MYO15A: variants seen among roughly 807,000 people sequenced by gnomAD.
MYO15A encodes unconventional myosin-XV.
MYO15A carries 308 observed loss-of-function variants against 394.6 expected under a neutral mutation model. That is an observed-to-expected ratio of 0.78 (90% CI 0.71 to 0.86). MYO15A has a LOEUF of 0.86. Ranked by LOEUF, MYO15A falls within the 40% of genes least tolerant of loss-of-function variation. The pLI is 0.00. For missense variants in MYO15A, 4,606 were observed against 4,799.1 expected, an observed-to-expected ratio of 0.96 and a Z score of 1.19; for synonymous variants, 1,957 against 2,003.8, an observed-to-expected ratio of 0.98 and a Z score of 0.62.
intron 62 of MYO15A, chr17:18,169,617 A>G (rs2046910560): frequency 6.6e-6 from 1 of 152,174 alleles, no homozygotes; most frequent in African/African-American, 2.4e-5. Flanking sequence ...AGCCTGGGCA[A>G]TAGAGTAAGA....
chr17:18,157,322 C>T (rs748754037), intron 50 of MYO15A, 92 bp downstream of exon 50: 45 of 1,514,994 alleles, frequency 3.0e-5, no homozygotes, highest in South Asian at 4.8e-5. Context: ...TCTTGGTGCC[C>T]GAAAGTGGCC....
intron 1 of MYO15A, 30 bp from the exon 2 acceptor site, chr17:18,118,552 A>G (rs1567617091): frequency 5.3e-6 from 3 of 567,078 alleles, no homozygotes; most frequent in Non-Finnish European, 3.1e-6. Flanking sequence ...CTGGTAAACA[A>G]CACCCACACA....
intron 47 of MYO15A, 164 bp from the exon 48 acceptor site, chr17:18,156,031 T>G (rs1201066205): frequency 1.9e-5 from 20 of 1,046,522 alleles, no homozygotes; most frequent in Non-Finnish European, 2.1e-5. Context: ...ACAGCCTGGG[T>G]CAGAGAGGGG....
At position 18,148,652 on chromosome 17, in the gene MYO15A, T is replaced by TG; in HGVS notation, c.6764+84_6764+85insG. 1 of 1,544,944 alleles carries TG rather than the reference T, an allele frequency of 6.5e-7. No individual in the cohort carries two copies. Among genetic ancestry groups the TG allele is most frequent in the Non-Finnish European group, 8.8e-7 (1 of 1,142,094 alleles). ...AGGTCAGATCCCCCAGAGGGTCCCA[T>TG]AGGGTCCATTCTGTTCATGTTTAGG... On this transcript the variant is annotated intron_variant, in intron 32 of 65. Coordinates refer to ENST00000647165, the MANE Select transcript of MYO15A (RefSeq NM_016239.4). The surrounding 1 kb of genome is among the most constrained non-coding windows in gnomAD (Gnocchi z 4.8).
At chr17:18,163,909 C>A in intron 60 of MYO15A, 71 bp downstream of exon 60, 1 of 1,510,382 alleles carries the variant, frequency 6.6e-7, no homozygotes, top group Non-Finnish European at 9.1e-7. Context: ...TGGGGCCCTC[C>A]ACCCAGATTT....
intron 45 of MYO15A, 45 bp downstream of exon 45, chr17:18,154,800 A>G: frequency 6.3e-7 from 1 of 1,590,664 alleles, no homozygotes. Flanking sequence ...AACCAGTCAG[A>G]GGCACAGCCA....
chr17:18,138,094 C>T (rs1294135699), intron 16 of MYO15A, 21 bp from the exon 17 acceptor site: 2 of 1,606,666 alleles, frequency 1.2e-6, no homozygotes, highest in Non-Finnish European at 1.7e-6. Flanking sequence ...AGGTTGAGCT[C>T]CTGCTGCCCA....
At chr17:18,130,251 C>A (rs112198349) in intron 7 of MYO15A, among the ~76,000 whole-genome samples, 10 of 151,856 alleles carry the variant, frequency 6.6e-5, no homozygotes, top group African/African-American at 2.4e-4. Context: ...TGTGTAGACG[C>A]TGGGGACTCA....
At chr17:18,131,393 G>A (rs777562993) in intron 9 of MYO15A, 51 bp downstream of exon 9, 11 of 1,612,582 alleles carry the variant, frequency 6.8e-6, no homozygotes, top group Non-Finnish European at 9.3e-6. Flanking sequence ...TGTCTTCCAT[G>A]TCCTGCCACA....
Position 18,119,296 on chromosome 17 carries a change from C to A in MYO15A, c.496C>A (p.Arg166Ser), listed in dbSNP as rs766948273. 2 of 1,611,376 alleles carry A rather than the reference C, an allele frequency of 1.2e-6. No individual in the cohort carries two copies. The highest frequency in any genetic ancestry group is 2.2e-5 in the South Asian group (2 of 91,066). Residue 166 changes from arginine (R) to serine (S), a missense_variant, in exon 2 of 66, where the codon CGC becomes AGC. Physicochemically the swap from Arg to Ser is moderately radical, Grantham distance 110. Transcript: ENST00000647165. ...CGCCTGGCTGCAGCGCTCGAGCTCC[C>A]GCATGGGCTCCCGCAAACTCCCCTT... is the stretch of plus-strand genomic sequence containing the variant. ...VDAWLQRSSS[R>S]MGSRKLPFPS...
chr17:18,158,399 G>T, intron 51 of MYO15A, 124 bp from the exon 52 acceptor site: 1 of 772,050 alleles, frequency 1.3e-6, no homozygotes, highest in Non-Finnish European at 2.1e-6. Context: ...GGTCCACAGG[G>T]ATGGGTGGGT....
In MYO15A at chr17:18,165,665, G is replaced by A. The variant is rs117075510; in HGVS notation, c.9788-696G>A. Among the ~76,000 whole-genome samples the A allele has an allele frequency of 3.4e-3, 525 of 152,334 alleles. 1 individual carries two copies. The highest frequency in any genetic ancestry group is 4.8e-3 in the Non-Finnish European group (325 of 68,022). ...TGCCAGGAAAGTGACATATTCATAA[G>A]TTCTAGGGATTAGGACCTGGACATC... On this transcript the variant is annotated intron_variant, in intron 60 of 65. Transcript: ENST00000647165.
At chr17:18,125,490 C>T in intron 4 of MYO15A, 1 of 479,492 alleles carries the variant, frequency 2.1e-6, no homozygotes, top group South Asian at 2.1e-5. Flanking sequence ...GTCAAGAGAT[C>T]GAGACCATCC....
rs1567670933 is a variant in MYO15A, at chr17:18,179,787, CGAGT to C, written c.*920_*923del. On this transcript the variant is annotated 3_prime_UTR_variant, in exon 66 of 66. Coordinates refer to ENST00000647165, the MANE Select transcript of MYO15A (RefSeq NM_016239.4). ...TTTGTCATATGAATGAAAAAATAAA[CGAGT>C]GAATGTTGATAGAAAGTGCTGGTGC... is the stretch of plus-strand genomic sequence containing the variant. The C allele has an allele frequency of 6.6e-6, 1 of 152,088 alleles. No homozygotes were observed. The highest frequency in any genetic ancestry group is 2.4e-5 in the African/African-American group (1 of 41,396). 9.4% of individuals were successfully genotyped at this position (152,088 alleles called of 1,614,324 possible). A position where few individuals can be genotyped will look rare whatever the true frequency, so the allele number is the denominator to read the frequency against.
Position 18,144,527 on chromosome 17 carries a change from C to T in MYO15A, c.6208C>T (p.Leu2070=). ...EPAFGMLTVP[L]RTPLTQLPAE... is the part of the protein sequence containing the mutation. ...TGCCTTTGGGATGCTGACAGTGCCC[C>T]TGAGGACACCCCTCACGCAGCTGCC... Residue 2070 remains leucine, a synonymous_variant, in exon 29 of 66, where the codon CTG becomes TTG. Transcript: ENST00000647165. 6.2e-7 allele frequency: 1 copy of T among 1,613,476 alleles called. No individual in the cohort carries two copies. The highest frequency in any genetic ancestry group is 1.1e-5 in the South Asian group (1 of 91,092).
chr17:18,145,726 A>G (rs1038423691), intron 29 of MYO15A, 146 bp from the exon 30 acceptor site: 12 of 700,172 alleles, frequency 1.7e-5, no homozygotes, highest in African/African-American at 1.6e-4. Context: ...AATATTCTAT[A>G]TATATAGCAG....
intron 60 of MYO15A, among the ~76,000 whole-genome samples, chr17:18,165,986 C>G (rs936748657): frequency 6.6e-6 from 1 of 152,170 alleles, no homozygotes; most frequent in Non-Finnish European, 1.5e-5. Flanking sequence ...TGTCCTTGTT[C>G]CCAGCCTCCT....
intron 62 of MYO15A, among the ~76,000 whole-genome samples, chr17:18,169,303 G>A (rs1156258678): frequency 6.0e-5 from 9 of 150,858 alleles, no homozygotes; most frequent in Non-Finnish European, 1.0e-4. Context: ...AAAATTAGCC[G>A]GGCATGGTGG....
At chr17:18,159,708 C>T (rs747772498) in intron 55 of MYO15A, 29 bp downstream of exon 55, 1 of 1,610,162 alleles carries the variant, frequency 6.2e-7, no homozygotes, top group Non-Finnish European at 8.5e-7. Flanking sequence ...GCCAGATGCC[C>T]CCTTTCCTGC....
Sources: allele counts gnomAD v4.1 joint callset (sites outside exome capture counted in the v4.1 genomes callset), GRCh38; gene constraint gnomAD v4.1.1; non-coding constraint Gnocchi (gnomAD v3.1); transcripts MANE v1.5; gene names NCBI Gene and HGNC (gene_info 2026-07-23, HGNC 2026-07-21).